CHN1: variants seen among roughly 807,000 people sequenced by gnomAD.
CHN1 encodes N-chimaerin.
In CHN1, 37 loss-of-function variants were observed where a neutral mutation model predicts 59.5. That is an observed-to-expected ratio of 0.62 (90% CI 0.48 to 0.82). The LOEUF (loss-of-function observed/expected upper bound fraction) is 0.82. Ranked by LOEUF, CHN1 falls within the 40% of genes least tolerant of loss-of-function variation. The probability of loss-of-function intolerance (pLI) is 0.00; values close to 1 mark genes in which losing one functional copy is unlikely to be tolerated. For synonymous variants in CHN1, 206 were observed against 200.4 expected (o/e 1.03, Z -0.24); for missense variants, 469 against 571.0 (o/e 0.82, Z 1.82).
At chr2:174,930,536 G>T (rs918998479) in intron 3 of CHN1, among the ~76,000 whole-genome samples, 1 of 152,156 alleles carries the variant, frequency 6.6e-6, no homozygotes, top group East Asian at 1.9e-4. Context: ...GCAGGGTATG[G>T]GGGTTGGGGG....
chr2:174,987,379 G>A (rs568750934), intron 1 of CHN1, among the ~76,000 whole-genome samples: 6 of 151,440 alleles, frequency 4.0e-5, no homozygotes, highest in South Asian at 2.1e-4. Context: ...ATTATATTAC[G>A]GCCTCTTGGT....
chr2:174,855,296 G>A (rs1686866994), intron 6 of CHN1, among the ~76,000 whole-genome samples: 1 of 152,112 alleles, frequency 6.6e-6, no homozygotes, highest in Non-Finnish European at 1.5e-5. Context: ...CATCCAAAAA[G>A]CACCACAGAG....
intron 1 of CHN1, among the ~76,000 whole-genome samples, chr2:174,967,226 C>A (rs1258343725): frequency 6.6e-6 from 1 of 151,938 alleles, no homozygotes; most frequent in African/African-American, 2.4e-5. Flanking sequence ...CATCTGTAGT[C>A]CCAGCTACTG....
intron 5 of CHN1, among the ~76,000 whole-genome samples, chr2:174,894,184 G>A (rs1015239709): frequency 6.6e-6 from 1 of 152,076 alleles, no homozygotes; most frequent in Admixed American, 6.6e-5. Flanking sequence ...GTAACCTAGG[G>A]AATGGGAGGA....
rs143708884 is a variant in CHN1 at position 174,870,346 on chromosome 2, C to T, written c.549+7494G>A. 2.2e-4 allele frequency among the ~76,000 whole-genome samples: 34 copies of T among 152,230 alleles called. No individual in the cohort carries two copies. The East Asian group carries it at 6.4e-3, about 29-fold the overall frequency. ...ACCAGTTGTAGTAATTTGAAAGAGG[C>T]CCCCAAAGAGTTAGGGACTAATTTA... On this transcript the variant is annotated intron_variant, in intron 6 of 12. Coordinates refer to ENST00000409900, the MANE Select transcript of CHN1 (RefSeq NM_001822.7).
intron 3 of CHN1, among the ~76,000 whole-genome samples, chr2:174,944,647 T>C (rs1408508632): frequency 6.6e-6 from 1 of 152,182 alleles, no homozygotes; most frequent in Non-Finnish European, 1.5e-5. Flanking sequence ...CTGAAAAGAA[T>C]ACGAACAACC....
At position 174,811,584 on chromosome 2, in the gene CHN1, A is replaced by G. The variant is rs1574042580; in HGVS notation, c.891T>C (p.Leu297=). The G allele has an allele frequency of 1.3e-6, 2 of 1,594,308 alleles. No homozygotes were observed. The highest frequency in any genetic ancestry group is 2.2e-5 in the East Asian group (1 of 44,570). The part of the protein sequence containing the change: ...MCIREIESRG[L]NSEGLYRVSG... ...ATACTCGGTATAGTCCTTCAGAATT[A>G]AGACCTGAAAAATAAAACTAGTTAG... The change falls in exon 10 of 13, where the codon CTT becomes CTC. Residue 297 remains leucine (L), a synonymous_variant. Coordinates refer to ENST00000409900, the MANE Select transcript of CHN1 (RefSeq NM_001822.7).
chr2:174,931,477 T>C (rs1398933600), intron 3 of CHN1, among the ~76,000 whole-genome samples: 2 of 152,154 alleles, frequency 1.3e-5, no homozygotes, highest in Non-Finnish European at 2.9e-5. Context: ...AACAAGAACA[T>C]TGTACCTCCC....
intron 4 of CHN1, among the ~76,000 whole-genome samples, chr2:174,918,257 A>C: frequency 6.6e-6 from 1 of 152,282 alleles, no homozygotes; most frequent in Non-Finnish European, 1.5e-5. Context: ...AAACACAAAT[A>C]TGTACATTTT....
chr2:174,857,715 G>A (rs1186197797), intron 6 of CHN1, among the ~76,000 whole-genome samples: 1 of 151,954 alleles, frequency 6.6e-6, no homozygotes, highest in African/African-American at 2.4e-5. Flanking sequence ...GGGGATACTT[G>A]GGGAAATGTG....
At chr2:174,832,809 A>ATG (rs1319692770) in intron 7 of CHN1, among the ~76,000 whole-genome samples, 1 of 152,078 alleles carries the variant, frequency 6.6e-6, no homozygotes, top group African/African-American at 2.4e-5. Context: ...AAAACCTATT[A>ATG]TGTACTAGAC....
intron 7 of CHN1, among the ~76,000 whole-genome samples, chr2:174,842,102 T>C (rs976874965): frequency 8.5e-5 from 13 of 152,204 alleles, no homozygotes; most frequent in Admixed American, 5.2e-4. Context: ...GAAGAGGTTT[T>C]CAAGTAACAA....
chr2:174,950,226 C>T (rs902864283), intron 2 of CHN1, among the ~76,000 whole-genome samples: 5 of 151,032 alleles, frequency 3.3e-5, no homozygotes, highest in African/African-American at 4.9e-5. Flanking sequence ...CCAGCCTGGG[C>T]GACAAAGCAA....
At chr2:174,934,738 TGA>T in intron 3 of CHN1, among the ~76,000 whole-genome samples, 1 of 152,212 alleles carries the variant, frequency 6.6e-6, no homozygotes, top group Non-Finnish European at 1.5e-5. Flanking sequence ...CAAGCAAGTA[TGA>T]CATGAAAGAA....
In CHN1 at chr2:174,799,426, TAATA is replaced by T. The variant is rs1684643153; in HGVS notation, c.*686_*689del. 4.4e-6 allele frequency: 2 copies of T among 452,992 alleles called. No homozygotes were observed. Among genetic ancestry groups the T allele is most frequent in the African/African-American group, 4.0e-5 (2 of 49,420 alleles). 28.1% of individuals were successfully genotyped at this position (452,992 alleles called of 1,614,324 possible). On this transcript the variant is annotated 3_prime_UTR_variant, in exon 13 of 13. Transcript: ENST00000409900. The stretch of plus-strand genomic sequence containing the variant: ...ATTTCTAAAAGCCAATTTAATAAAT[TAATA>T]AACGCATGCCAGAAAAAATACCAAA...
At chr2:174,925,634 C>T (rs147807107) in intron 3 of CHN1, among the ~76,000 whole-genome samples, 189 of 152,366 alleles carry the variant, frequency 1.2e-3, no homozygotes, top group African/African-American at 4.4e-3. Context: ...GAACCTTGGT[C>T]TCCACAACTC....
chr2:174,959,563 T>C (rs1252157536), intron 1 of CHN1, among the ~76,000 whole-genome samples: 2 of 152,202 alleles, frequency 1.3e-5, no homozygotes, highest in Non-Finnish European at 2.9e-5. Context: ...ATTACCCCAA[T>C]CTTTAATTCC....
At chr2:174,868,910 G>C (rs1047759817) in intron 6 of CHN1, among the ~76,000 whole-genome samples, 3 of 152,200 alleles carry the variant, frequency 2.0e-5, no homozygotes, top group Non-Finnish European at 4.4e-5. Flanking sequence ...GGGAAATGCA[G>C]AAATGATAGT....
intron 1 of CHN1, among the ~76,000 whole-genome samples, chr2:174,960,358 A>G (rs1690358796): frequency 6.6e-6 from 1 of 152,238 alleles, no homozygotes. Flanking sequence ...AAGTATGATT[A>G]AGTATTCCAG....
Sources: gnomAD v4.1 joint callset for allele counts (sites outside exome capture counted in the v4.1 genomes callset) on GRCh38, gnomAD v4.1.1 for gene constraint, MANE v1.5 for transcripts, NCBI Gene and HGNC (gene_info 2026-07-23, HGNC 2026-07-21) for gene names.